Variants in CADM2 observed in about 807,000 individuals in gnomAD.
CADM2 encodes cell adhesion molecule 2, also known as immunoglobulin superfamily member 4D.
CADM2 carries 12 observed loss-of-function variants against 49.8 expected under a neutral mutation model. That is an observed-to-expected ratio of 0.24 (90% CI 0.15 to 0.39). The LOEUF is 0.39. Ranked by LOEUF, CADM2 falls within the 10% of genes least tolerant of loss-of-function variation. The probability of loss-of-function intolerance (pLI) is 1.00; values close to 1 mark genes in which losing one functional copy is unlikely to be tolerated. For synonymous variants in CADM2, 214 were observed against 175.4 expected (o/e 1.22, Z -1.74); for missense variants, 378 against 492.3 (o/e 0.77, Z 2.20).
intron 1 of CADM2, among the ~76,000 whole-genome samples, chr3:85,454,508 C>T (rs1222656687): frequency 2.6e-5 from 4 of 151,994 alleles, no homozygotes; most frequent in African/African-American, 7.3e-5. Flanking sequence ...ACTCCTAGGC[C>T]TGAAGACATA....
At chr3:85,338,674 G>C (rs2045157119) in intron 1 of CADM2, among the ~76,000 whole-genome samples, 1 of 151,408 alleles carries the variant, frequency 6.6e-6, no homozygotes, top group Non-Finnish European at 1.5e-5. Flanking sequence ...TCATGGCTAA[G>C]AAGTGACAAA....
chr3:85,752,422 T>C (rs1345075024), intron 2 of CADM2, among the ~76,000 whole-genome samples: 1 of 151,360 alleles, frequency 6.6e-6, no homozygotes, highest in Non-Finnish European at 1.5e-5. Context: ...ACATCTCTCC[T>C]CCCTTCTCTT....
chr3:85,969,429 A>G (rs958200994), intron 8 of CADM2, among the ~76,000 whole-genome samples: 3 of 151,386 alleles, frequency 2.0e-5, no homozygotes, highest in African/African-American at 7.3e-5. Flanking sequence ...GCTGCCAGAA[A>G]TGCTGATCTT....
At chr3:86,034,040 G>T (rs1734869991) in intron 8 of CADM2, among the ~76,000 whole-genome samples, 1 of 151,558 alleles carries the variant, frequency 6.6e-6, no homozygotes, top group African/African-American at 2.4e-5. Context: ...TTAGAAACAT[G>T]ATTTCACTTT....
At chr3:85,471,527 G>A (rs776759716) in intron 1 of CADM2, among the ~76,000 whole-genome samples, 22 of 151,970 alleles carry the variant, frequency 1.4e-4, no homozygotes, top group Non-Finnish European at 3.1e-4. Flanking sequence ...AAGGCAGAAC[G>A]TGAGGTATCA....
intron 2 of CADM2, among the ~76,000 whole-genome samples, chr3:85,742,845 T>C (rs2068451136): frequency 6.6e-6 from 1 of 152,228 alleles, no homozygotes. Context: ...ACTTCTCGAA[T>C]TCCTATCCAG....
At position 85,941,435 on chromosome 3, in the gene CADM2, G is replaced by T. The variant is rs192058297; in HGVS notation, c.791+5578G>T. ...TTTAAACAGCAAAGGAATCCAGACC[G>T]AAGTCATGGCAAAACTGATACAGCA... On this transcript the variant is annotated intron_variant, in intron 7 of 9. Coordinates refer to ENST00000383699, the MANE Select transcript of CADM2 (RefSeq NM_001167675.2). Among the ~76,000 whole-genome samples the T allele has an allele frequency of 2.8e-4, 42 of 152,138 alleles. No individual in the cohort carries two copies. In the East Asian group the frequency reaches 7.7e-3, roughly 28 times the overall value.
chr3:85,059,243 AAT>A (rs1469197581), intron 1 of CADM2, among the ~76,000 whole-genome samples: 1 of 151,962 alleles, frequency 6.6e-6, no homozygotes, highest in African/African-American at 2.4e-5. Context: ...TGTCTCAAAA[AAT>A]AAATAAATAA....
chr3:84,967,660 T>A (rs894164747), intron 1 of CADM2, among the ~76,000 whole-genome samples: 7 of 152,098 alleles, frequency 4.6e-5, no homozygotes, highest in Non-Finnish European at 8.8e-5. Flanking sequence ...CCCATGCTAC[T>A]GACTTGAAAG....
chr3:85,124,770 A>C (rs59850334), intron 1 of CADM2, among the ~76,000 whole-genome samples: 10,618 of 152,244 alleles, frequency 0.07, 483 homozygotes, highest in East Asian at 0.14. Flanking sequence ...AAATTCAGCA[A>C]CATCATCCAA....
intron 2 of CADM2, among the ~76,000 whole-genome samples, chr3:85,779,480 A>AT (rs1294578008): frequency 6.6e-6 from 1 of 152,174 alleles, no homozygotes; most frequent in Non-Finnish European, 1.5e-5. Context: ...ACTTACTATC[A>AT]TGCCAGAATG....
intron 1 of CADM2, among the ~76,000 whole-genome samples, chr3:85,392,989 T>G (rs559911129): frequency 2.0e-5 from 3 of 151,986 alleles, no homozygotes; most frequent in East Asian, 1.9e-4. Context: ...CAAATACAGT[T>G]TTCATCAACT....
intron 1 of CADM2, among the ~76,000 whole-genome samples, chr3:85,401,458 A>G (rs1559821265): frequency 6.6e-6 from 1 of 152,122 alleles, no homozygotes; most frequent in Non-Finnish European, 1.5e-5. Flanking sequence ...GACCCATCCC[A>G]GCGGAAACTT....
At chr3:85,623,136 A>G (rs1295223281) in intron 1 of CADM2, among the ~76,000 whole-genome samples, 1 of 152,162 alleles carries the variant, frequency 6.6e-6, no homozygotes, top group East Asian at 1.9e-4. Flanking sequence ...AGAGCTGTGG[A>G]CAAAATGTCA....
intron 8 of CADM2, among the ~76,000 whole-genome samples, chr3:86,023,702 C>T (rs1000594910): frequency 6.6e-6 from 1 of 152,104 alleles, no homozygotes; most frequent in East Asian, 1.9e-4. Flanking sequence ...CTTTGCCTTA[C>T]TCTTAAAACA....
chr3:85,232,004 TG>T (rs1337104600), intron 1 of CADM2, among the ~76,000 whole-genome samples: 2 of 151,824 alleles, frequency 1.3e-5, no homozygotes, highest in African/African-American at 4.8e-5. Flanking sequence ...CGTGAGCCAT[TG>T]GGCCTGGCCT....
chr3:85,957,993 A>T (rs2108605207), intron 7 of CADM2, among the ~76,000 whole-genome samples: 1 of 152,128 alleles, frequency 6.6e-6, no homozygotes, highest in Admixed American at 6.6e-5. Flanking sequence ...AAATACTATC[A>T]TCAGAGTGAA....
intron 1 of CADM2, among the ~76,000 whole-genome samples, chr3:85,587,328 C>A (rs1268848798): frequency 1.3e-5 from 2 of 152,048 alleles, no homozygotes; most frequent in Non-Finnish European, 2.9e-5. Context: ...CAAGAAAAAT[C>A]TTATTTGTTC....
chr3:85,583,108 A>G (rs1398464336), intron 1 of CADM2, among the ~76,000 whole-genome samples: 3 of 152,098 alleles, frequency 2.0e-5, no homozygotes, highest in Non-Finnish European at 1.5e-5. Context: ...ATAAAGTTCA[A>G]ATAGATTCCT....
Sources: gnomAD v4.1 joint callset for allele counts (sites outside exome capture counted in the v4.1 genomes callset) on GRCh38, gnomAD v4.1.1 for gene constraint, MANE v1.5 for transcripts, NCBI Gene and HGNC (gene_info 2026-07-23, HGNC 2026-07-21) for gene names.